The following CDC6 variants were observed in gnomAD, a reference collection of about 807,000 sequenced individuals.
CDC6 encodes cell division cycle 6.
A neutral mutation model predicts 60.2 loss-of-function variants in CDC6; 46 were observed. That is an observed-to-expected ratio of 0.76 (90% CI 0.60 to 0.98). The LOEUF (loss-of-function observed/expected upper bound fraction) is 0.98. Ranked by LOEUF, CDC6 falls within the 50% of genes least tolerant of loss-of-function variation. CDC6 has a pLI of 0.00. For synonymous variants in CDC6, 210 were observed against 233.2 expected (o/e 0.90, Z 0.90); for missense variants, 596 against 652.9 (o/e 0.91, Z 0.95).
Position 40,294,050 on chromosome 17 carries a change from C to A in CDC6, c.937C>A (p.Leu313Met). 1 of 1,604,946 alleles carries A rather than the reference C, an allele frequency of 6.2e-7. No individual in the cohort carries two copies. The highest frequency in any genetic ancestry group is 8.5e-7 in the Non-Finnish European group (1 of 1,171,604). The change falls in exon 6 of 12, where the codon CTG becomes ATG. Residue 313 changes from leucine (L) to methionine (M), a missense_variant. Transcript: ENST00000209728. ...WPWLSNSHLV[L>M]IGIANTLDLT... ...ATGGCTAAGCAATTCTCACTTGGTG[C>A]TGATTGGTTAGTGCTCAATTGTTAA...
chr17:40,301,317 C>T, intron 10 of CDC6, 151 bp from the exon 11 acceptor site: 1 of 810,082 alleles, frequency 1.2e-6, no homozygotes, highest in Non-Finnish European at 2.2e-6. Flanking sequence ...GGAATATCTA[C>T]AGAAGCCTGT....
At position 40,297,723 on chromosome 17, in the gene CDC6, G is replaced by A. The variant is rs535452405; in HGVS notation, c.1249+956G>A. ...GCAGAAGTTGCAGTGAGCCGAGATG[G>A]TGCCACTGCACTGCCAGCCTGGGCA... On this transcript the variant is annotated intron_variant, in intron 9 of 11. Transcript: ENST00000209728. Among the ~76,000 whole-genome samples, 4 of 152,182 alleles carry A rather than the reference G, an allele frequency of 2.6e-5. No individual in the cohort carries two copies. In the South Asian group the frequency reaches 8.3e-4, roughly 32 times the overall value.
chr17:40,301,689 A>G, intron 11 of CDC6, 81 bp downstream of exon 11: 1 of 1,459,048 alleles, frequency 6.9e-7, no homozygotes, highest in South Asian at 1.1e-5. Flanking sequence ...ATTGTTAAAC[A>G]AGATGACCAC....
chr17:40,292,417 GGTCAGGA>G (rs1431291153), intron 4 of CDC6, among the ~76,000 whole-genome samples: 3 of 151,006 alleles, frequency 2.0e-5, no homozygotes, highest in Non-Finnish European at 4.4e-5. Flanking sequence ...GATCACCTAA[GGTCAGGA>G]GTTTGAGACC....
In CDC6 at chr17:40,289,344, TGTTA is replaced by T. The variant is rs371055080; in HGVS notation, c.-13-59_-13-56del. 189 of 1,223,596 alleles carry T rather than the reference TGTTA, an allele frequency of 1.5e-4. 1 individual carries two copies. The South Asian group carries it at 1.7e-3, about 11-fold the overall frequency. The allele number at this position is 1,223,596 out of a possible 1,614,324, so 75.8% of individuals were successfully genotyped here. On this transcript the variant is annotated intron_variant, in intron 1 of 11. Transcript: ENST00000209728. ...TAATCATCAGTATAAATAAATTCCA[TGTTA>T]GTTATTTTCTCTTCACTTTCACATA...
chr17:40,290,998 G>T, intron 2 of CDC6, 60 bp from the exon 3 acceptor site: 1 of 1,541,920 alleles, frequency 6.5e-7, no homozygotes, highest in South Asian at 1.1e-5. Flanking sequence ...CAGAGGTCTT[G>T]CACATCCTTT....
chr17:40,293,570 G>T lies in CDC6; in HGVS notation c.775G>T (p.Ala259Ser). ...TTGTCAGGAAGAGGTATCCAGGCCA[G>T]CTGGGAAGGACATGATGAGGAAATT... ...EICQEEVSRPAGKDMMRKLEK... is the reference protein window; with the variant it reads ...EICQEEVSRPSGKDMMRKLEK... The change falls in exon 5 of 12, where the codon GCT becomes TCT. Residue 259 changes from alanine to serine, a missense_variant. Transcript: ENST00000209728. The T allele has an allele frequency of 1.2e-6, 2 of 1,613,900 alleles. No individual in the cohort carries two copies. The highest frequency in any genetic ancestry group is 8.5e-7 in the Non-Finnish European group (1 of 1,179,758).
rs1317837344 is a variant in CDC6, at chr17:40,302,298, G to A, written c.*297G>A. The A allele has an allele frequency of 2.7e-6, 1 of 372,448 alleles. No individual in the cohort carries two copies. The highest frequency in any genetic ancestry group is 4.9e-6 in the Non-Finnish European group (1 of 202,392). 23.1% of individuals were successfully genotyped at this position (372,448 alleles called of 1,614,324 possible). A position where few individuals can be genotyped will look rare whatever the true frequency, so the allele number is the denominator to read the frequency against. On this transcript the variant is annotated 3_prime_UTR_variant, in exon 12 of 12. Transcript: ENST00000209728. ...TGTACAGATCTGTGTAGAGGAATGT[G>A]TGTATATTTACCTCTTCGTTTGCTC... is the stretch of plus-strand genomic sequence containing the variant.
At chr17:40,290,349 C>G (rs1269679522) in intron 2 of CDC6, among the ~76,000 whole-genome samples, 1 of 152,098 alleles carries the variant, frequency 6.6e-6, no homozygotes, top group African/African-American at 2.4e-5. Context: ...TTTCTGGAGA[C>G]ATTTTTGGTT....
intron 1 of CDC6, chr17:40,289,193 T>C (rs4134998): frequency 0.016 from 7,911 of 495,258 alleles, 91 homozygotes; most frequent in Non-Finnish European, 0.022. Context: ...GTACCTAAAG[T>C]GTTTATAACA....
rs2032972909 is a variant in CDC6, at chr17:40,304,313, G to A, written c.*2312G>A. 2 of 152,210 alleles carry A rather than the reference G, an allele frequency of 1.3e-5. No individual in the cohort carries two copies. The highest frequency in any genetic ancestry group is 1.3e-4 in the Admixed American group (2 of 15,292). The allele number at this position is 152,210 out of a possible 1,614,324, so 9.4% of individuals were successfully genotyped here. ...TGGGAGCAAAAGCTGATATATGTTT[G>A]TCAGTAAAGTCTTAAGTGTAATTCA... is the stretch of plus-strand genomic sequence containing the variant. On this transcript the variant is annotated 3_prime_UTR_variant, in exon 12 of 12. Transcript: ENST00000209728.
At position 40,291,230 on chromosome 17, in the gene CDC6, A is replaced by C. The variant is rs2032756385; in HGVS notation, c.351A>C (p.Gln117His). The change falls in exon 3 of 12, where the codon CAA (glutamine) becomes CAC (histidine). Residue 117 changes from glutamine to histidine, a missense_variant. Coordinates refer to ENST00000209728, the MANE Select transcript of CDC6 (RefSeq NM_001254.4). ...AAAGAGAACTAGCCAAAGTTCACCA[A>C]AACAAAATACTTTCTTCAGTTAGAA... ...PSKRELAKVH[Q>H]NKILSSVRKS... 1.9e-6 allele frequency: 3 copies of C among 1,614,106 alleles called. No individual in the cohort carries two copies. Among genetic ancestry groups the C allele is most frequent in the South Asian group, 1.1e-5 (1 of 91,088 alleles).
At chr17:40,288,732 C>A (rs1205925240) in intron 1 of CDC6, among the ~76,000 whole-genome samples, 1 of 152,128 alleles carries the variant, frequency 6.6e-6, no homozygotes, top group Non-Finnish European at 1.5e-5. Flanking sequence ...CTACAGGCGC[C>A]CACCACCACG....
intron 8 of CDC6, 31 bp downstream of exon 8, chr17:40,295,487 TAAAAA>T: frequency 1.8e-6 from 2 of 1,119,862 alleles, no homozygotes; most frequent in Non-Finnish European, 2.7e-6. Context: ...ATTCTTTTAT[TAAAAA>T]AAAAAAAAAA....
At chr17:40,300,327 A>G (rs537165497) in intron 9 of CDC6, among the ~76,000 whole-genome samples, 3 of 151,902 alleles carry the variant, frequency 2.0e-5, no homozygotes, top group Non-Finnish European at 4.4e-5. Context: ...CTGTTATTCT[A>G]TACCTCTGAG....
chr17:40,300,457 A>G (rs1430984501), intron 9 of CDC6, among the ~76,000 whole-genome samples: 1 of 152,138 alleles, frequency 6.6e-6, no homozygotes, highest in Non-Finnish European at 1.5e-5. Context: ...TGATAGTGCC[A>G]CTGTACTCCA....
chr17:40,291,221 A>G lies in CDC6; in HGVS notation c.342A>G (p.Lys114=), dbSNP rs754677486. 3.1e-6 allele frequency: 5 copies of G among 1,614,248 alleles called. No individual in the cohort carries two copies. In the Admixed American group the frequency reaches 5.0e-5, roughly 16 times the overall value. Residue 114 remains lysine (K), a synonymous_variant, in exon 3 of 12, where the codon AAA becomes AAG. Coordinates refer to ENST00000209728, the MANE Select transcript of CDC6 (RefSeq NM_001254.4). The part of the protein sequence containing the change: ...IKSPSKRELA[K]VHQNKILSSV... ...CTCCTAGCAAAAGAGAACTAGCCAA[A>G]GTTCACCAAAACAAAATACTTTCTT...
chr17:40,300,367 C>T (rs755996551), intron 9 of CDC6, among the ~76,000 whole-genome samples: 1 of 152,074 alleles, frequency 6.6e-6, no homozygotes, highest in Non-Finnish European at 1.5e-5. Flanking sequence ...CATGGTGGCA[C>T]GTACCTGTAA....
At chr17:40,295,496 A>G in intron 8 of CDC6, 40 bp downstream of exon 8, 1 of 1,317,176 alleles carries the variant, frequency 7.6e-7, no homozygotes. Flanking sequence ...TTAAAAAAAA[A>G]AAAAAAGAAA....
Sources: allele counts gnomAD v4.1 joint callset (sites outside exome capture counted in the v4.1 genomes callset), GRCh38; gene constraint gnomAD v4.1.1; transcripts MANE v1.5; gene names NCBI Gene and HGNC (gene_info 2026-07-23, HGNC 2026-07-21).